RNF111: variants seen among roughly 807,000 people sequenced by gnomAD.
RNF111 encodes the protein E3 ubiquitin-protein ligase Arkadia.
Under a neutral mutation model 95.1 loss-of-function variants are expected in RNF111, and 17 were observed. That is an observed-to-expected ratio of 0.18 (90% CI 0.12 to 0.27). RNF111 has a LOEUF of 0.27. RNF111 is among the 10% of genes least tolerant of loss of function. The pLI, the probability that RNF111 is intolerant of heterozygous loss-of-function variation, is 1.00. For synonymous variants in RNF111, 440 were observed against 414.8 expected (o/e 1.06, Z -0.74); for missense variants, 1,189 against 1,210.4 (o/e 0.98, Z 0.26).
rs35410395 is a variant in RNF111 at position 59,072,880 on chromosome 15, T to TAA, written c.1687-3062_1687-3061dup. ...GTCTGGGGCCCTGCAATTTTTTTAT[T>TAA]AAAAAAAAAAAAACAAAACACTTCC... On this transcript the variant is annotated intron_variant, in intron 6 of 13. Transcript: ENST00000348370. Among the ~76,000 whole-genome samples the TAA allele has an allele frequency of 3.3e-3, 463 of 141,062 alleles. 5 individuals carry two copies. Among genetic ancestry groups the TAA allele is most frequent in the African/African-American group, 7.9e-3 (301 of 37,976 alleles). 92.5% of individuals were successfully genotyped at this position (141,062 alleles called of 152,430 possible). A position where few individuals can be genotyped will look rare whatever the true frequency, so the allele number is the denominator to read the frequency against.
chr15:59,093,579 C>T lies in RNF111; in HGVS notation c.2843+939C>T, dbSNP rs997744147. The T allele has an allele frequency of 6.8e-5, 18 of 262,782 alleles. No homozygotes were observed. The Middle Eastern group carries it at 1.7e-3, about 25-fold the overall frequency. The allele number at this position is 262,782 out of a possible 1,614,324, so 16.3% of individuals were successfully genotyped here. ...AACTAGTAGGACTATTCCCTTCTTG[C>T]ACCTTTGTTGTTTAGAAAATGTTAA... On this transcript the variant is annotated intron_variant, in intron 13 of 13. Transcript: ENST00000348370.
chr15:59,057,787 A>G (rs74017345), intron 4 of RNF111, among the ~76,000 whole-genome samples: 4,111 of 152,344 alleles, frequency 0.027, 115 homozygotes, highest in African/African-American at 0.062. Flanking sequence ...GTAAGGCATC[A>G]TACGAAGTAT....
At chr15:59,045,618 A>G (rs2041672108) in intron 2 of RNF111, among the ~76,000 whole-genome samples, 2 of 152,220 alleles carry the variant, frequency 1.3e-5, no homozygotes, top group African/African-American at 4.8e-5. Flanking sequence ...TGCCCAGTTT[A>G]TGGGTTGAAA....
intron 6 of RNF111, among the ~76,000 whole-genome samples, chr15:59,072,567 C>T (rs2042983879): frequency 6.6e-6 from 1 of 150,388 alleles, no homozygotes; most frequent in South Asian, 2.1e-4. Context: ...CATTCTGCCT[C>T]AGCCTCCCAA....
intron 11 of RNF111, among the ~76,000 whole-genome samples, chr15:59,090,738 TAAAC>T (rs2079030075): frequency 6.6e-6 from 1 of 152,192 alleles, no homozygotes; most frequent in Non-Finnish European, 1.5e-5. Flanking sequence ...GAAAACATGA[TAAAC>T]AACCATTTGC....
At chr15:59,026,276 T>C (rs2141706102) in intron 1 of RNF111, among the ~76,000 whole-genome samples, 1 of 152,280 alleles carries the variant, frequency 6.6e-6, no homozygotes, top group East Asian at 1.9e-4. Flanking sequence ...ACCCTAATTT[T>C]TAGTTTTGAA....
At chr15:59,008,938 A>G (rs1287315786) in intron 1 of RNF111, among the ~76,000 whole-genome samples, 1 of 151,920 alleles carries the variant, frequency 6.6e-6, no homozygotes, top group Non-Finnish European at 1.5e-5. Context: ...CTTTGTGTTA[A>G]TATTGTCACG....
In RNF111 at chr15:59,031,708, A is replaced by T. The variant is rs761807787; in HGVS notation, c.880+6A>T. 5 of 1,611,400 alleles carry T rather than the reference A, an allele frequency of 3.1e-6. No homozygotes were observed. The Admixed American group carries it at 6.7e-5, about 22-fold the overall frequency. On this transcript the variant is annotated splice_donor_region_variant and intron_variant, in intron 2 of 13. Transcript: ENST00000348370. The stretch of plus-strand genomic sequence containing the variant: ...CAATCCAGCTGTTCCCTCAGGTAAA[A>T]ATGTTTAAGCTGAGTAAAACATGGA...
chr15:59,039,879 G>C (rs2041364127), intron 2 of RNF111, among the ~76,000 whole-genome samples: 1 of 151,838 alleles, frequency 6.6e-6, no homozygotes, highest in South Asian at 2.1e-4. Context: ...ACCGTGCCCA[G>C]CTAATTTTTT....
chr15:58,998,683 C>T (rs1162300694), intron 1 of RNF111, among the ~76,000 whole-genome samples: 1 of 152,134 alleles, frequency 6.6e-6, no homozygotes, highest in Non-Finnish European at 1.5e-5. Flanking sequence ...TCAAGAAAAA[C>T]AAATGACAGA....
At chr15:59,047,942 A>T (rs1261697819) in intron 2 of RNF111, among the ~76,000 whole-genome samples, 1 of 152,240 alleles carries the variant, frequency 6.6e-6, no homozygotes, top group Non-Finnish European at 1.5e-5. Flanking sequence ...AACAAGTTTA[A>T]TGAAAAAGAA....
chr15:59,092,630 G>A lies in RNF111; in HGVS notation c.2833G>A (p.Glu945Lys). ...TICLSILEEG[E>K]DVRRLPCMHL... ...CTGTTTGTCTATTTTAGAGGAAGGT[G>A]AAGATGTGAGGTAACTAGATATTAA... The change falls in exon 13 of 14, where the codon GAA becomes AAA. Residue 945 changes from glutamate (E) to lysine (K), a missense_variant. Physicochemically the swap from Glu to Lys is moderately conservative, Grantham distance 56. This residue lies in a region of RNF111 where 165 missense variants were observed against 284.6 expected (regional missense o/e 0.58). Transcript: ENST00000348370. 1 of 1,609,814 alleles carries A rather than the reference G, an allele frequency of 6.2e-7. No individual in the cohort carries two copies.
chr15:59,088,604 G>A (rs2078963102), intron 10 of RNF111, among the ~76,000 whole-genome samples: 1 of 152,170 alleles, frequency 6.6e-6, no homozygotes, highest in South Asian at 2.1e-4. Context: ...TGGAAGAATG[G>A]TGCTGTATCT....
At chr15:59,052,541 T>A in intron 3 of RNF111, 110 bp downstream of exon 3, 2 of 812,632 alleles carry the variant, frequency 2.5e-6, no homozygotes, top group Non-Finnish European at 3.5e-6. Flanking sequence ...TGAGACCCAG[T>A]TTGAGTATGC....
Position 59,083,899 on chromosome 15 carries a change from A to T in RNF111, c.2298-230A>T, listed in dbSNP as rs921320328. The T allele has an allele frequency of 1.2e-5, 3 of 259,718 alleles. No homozygotes were observed. The Admixed American group carries it at 1.6e-4, about 14-fold the overall frequency. The allele number at this position is 259,718 out of a possible 1,614,324, so 16.1% of individuals were successfully genotyped here. A position where few individuals can be genotyped will look rare whatever the true frequency, so the allele number is the denominator to read the frequency against. ...TACTTTTTCCTTGGGTGATATTTGA[A>T]TTGGAAGCATTGGAATAAATGAGCA... On this transcript the variant is annotated intron_variant, in intron 8 of 13. Transcript: ENST00000348370.
chr15:59,011,967 G>A (rs1245153655), intron 1 of RNF111, among the ~76,000 whole-genome samples: 1 of 138,182 alleles, frequency 7.2e-6, no homozygotes, highest in South Asian at 2.3e-4. Flanking sequence ...ATAAGAATAA[G>A]TGGCTTAATT....
At chr15:59,002,844 A>G (rs895726347) in intron 1 of RNF111, among the ~76,000 whole-genome samples, 5 of 151,394 alleles carry the variant, frequency 3.3e-5, no homozygotes, top group South Asian at 4.2e-4. Context: ...AGTCTTTCCT[A>G]TTTTTTCTCT....
intron 5 of RNF111, 62 bp downstream of exon 5, chr15:59,058,612 T>C (rs755916110): frequency 5.5e-6 from 8 of 1,443,898 alleles, no homozygotes; most frequent in Non-Finnish European, 7.8e-6. Context: ...AAAAGTATTA[T>C]TGTTTTTAAG....
chr15:59,069,844 A>AT (rs1294543735), intron 6 of RNF111, among the ~76,000 whole-genome samples: 3 of 152,006 alleles, frequency 2.0e-5, no homozygotes, highest in Non-Finnish European at 4.4e-5. Context: ...GAGATTTGTG[A>AT]TTTTGTAGAT....
Sources: gnomAD v4.1 joint callset for allele counts (sites outside exome capture counted in the v4.1 genomes callset) on GRCh38, gnomAD v4.1.1 for gene constraint, gnomAD v4.1.1 regional missense constraint, MANE v1.5 for transcripts, NCBI Gene and HGNC (gene_info 2026-07-23, HGNC 2026-07-21) for gene names.